BMPR2: variants seen among roughly 807,000 people sequenced by gnomAD.
BMPR2 encodes the protein bone morphogenetic protein receptor type 2, also known as bone morphogenetic protein receptor type-2.
Under a neutral mutation model 100.8 loss-of-function variants are expected in BMPR2, and 29 were observed. The ratio of observed to expected loss-of-function variants is 0.29; its 90% CI spans 0.21 to 0.39. The LOEUF is 0.39. Ranked by LOEUF, BMPR2 falls within the 10% of genes least tolerant of loss-of-function variation. The pLI is 1.00. For missense variants in BMPR2, 1,011 were observed against 1,274.5 expected (o/e 0.79, Z 3.15); for synonymous variants, 382 against 442.3 (o/e 0.86, Z 1.71).
chr2:202,555,230 A>G (rs749209164), intron 11 of BMPR2, 22 bp from the exon 12 acceptor site: 2 of 1,598,476 alleles, frequency 1.3e-6, no homozygotes, highest in Non-Finnish European at 1.7e-6. Context: ...TCTCAATGTG[A>G]TACTTTTTTT....
intron 3 of BMPR2, among the ~76,000 whole-genome samples, chr2:202,506,761 G>A (rs182864564): frequency 2.2e-4 from 34 of 152,180 alleles, no homozygotes; most frequent in African/African-American, 5.8e-4. Context: ...TTAGTTGGGC[G>A]TGGTGGCATG....
At chr2:202,494,690 A>G (rs950883678) in intron 3 of BMPR2, among the ~76,000 whole-genome samples, 2 of 152,254 alleles carry the variant, frequency 1.3e-5, no homozygotes, top group African/African-American at 4.8e-5. Flanking sequence ...CAGGTATAAC[A>G]TAGATGTAGC....
chr2:202,410,379 T>A (rs1393616997), intron 1 of BMPR2, among the ~76,000 whole-genome samples: 1 of 152,132 alleles, frequency 6.6e-6, no homozygotes, highest in East Asian at 1.9e-4. Flanking sequence ...AAAATGAACC[T>A]GAAACATTTA....
chr2:202,420,745 C>T (rs1691246858), intron 1 of BMPR2, among the ~76,000 whole-genome samples: 1 of 151,324 alleles, frequency 6.6e-6, no homozygotes. Context: ...TGGGGTTTCA[C>T]CATGTTGGCC....
chr2:202,538,793 CAAAAAAAAAAAA>C (rs34853164), intron 9 of BMPR2, among the ~76,000 whole-genome samples: 1 of 60,326 alleles, frequency 1.7e-5, no homozygotes, highest in South Asian at 5.5e-4. Flanking sequence ...GACTCTGTCT[CAAAAAAAAAAAA>C]AAAAAAAAAA....
intron 1 of BMPR2, among the ~76,000 whole-genome samples, chr2:202,445,046 C>T (rs1410306856): frequency 6.7e-6 from 1 of 150,322 alleles, no homozygotes; most frequent in Non-Finnish European, 1.5e-5. Flanking sequence ...CCTTGGCCTC[C>T]CAAAGTGCTC....
intron 10 of BMPR2, among the ~76,000 whole-genome samples, chr2:202,543,206 T>G (rs910776892): frequency 2.7e-5 from 4 of 146,768 alleles, no homozygotes; most frequent in Admixed American, 6.8e-5. Context: ...ATATATATAT[T>G]TATATACATA....
At chr2:202,389,056 C>A (rs528635066) in intron 1 of BMPR2, among the ~76,000 whole-genome samples, 1 of 151,744 alleles carries the variant, frequency 6.6e-6, no homozygotes, top group Non-Finnish European at 1.5e-5. Context: ...ATAATGAGAA[C>A]CCTGTCTCTA....
intron 10 of BMPR2, among the ~76,000 whole-genome samples, chr2:202,544,869 A>C (rs1276675544): frequency 7.3e-6 from 1 of 136,516 alleles, no homozygotes; most frequent in East Asian, 2.2e-4. Context: ...TGCTTAAGCT[A>C]TTCTCCTTCT....
intron 1 of BMPR2, among the ~76,000 whole-genome samples, chr2:202,391,760 A>G (rs1371915702): frequency 1.4e-5 from 2 of 144,902 alleles, no homozygotes; most frequent in Non-Finnish European, 3.0e-5. Context: ...TACAGTCTAC[A>G]CTTTTTTCTT....
chr2:202,557,590 C>A (rs1688602929), intron 12 of BMPR2, among the ~76,000 whole-genome samples: 1 of 151,638 alleles, frequency 6.6e-6, no homozygotes, highest in Non-Finnish European at 1.5e-5. Context: ...TCGCCTTAAC[C>A]CAGGAGGCGG....
intron 3 of BMPR2, among the ~76,000 whole-genome samples, chr2:202,471,912 T>TTGTGTGTGTGTG (rs111523279): frequency 6.8e-6 from 1 of 147,848 alleles, no homozygotes; most frequent in African/African-American, 2.5e-5. Flanking sequence ...CAAAAAAAGA[T>TTGTGTGTGTGTG]TGTGTGTGTG....
intron 1 of BMPR2, among the ~76,000 whole-genome samples, chr2:202,446,398 CA>C (rs1330632168): frequency 4.3e-5 from 6 of 139,278 alleles, no homozygotes; most frequent in Admixed American, 1.4e-4. Flanking sequence ...AACTCCGTCT[CA>C]AAAAAAAAAG....
chr2:202,442,338 G>T (rs190659587), intron 1 of BMPR2, among the ~76,000 whole-genome samples: 1 of 150,400 alleles, frequency 6.6e-6, no homozygotes, highest in East Asian at 1.9e-4. Context: ...CCTATTTTGG[G>T]TGTCTTATAT....
At chr2:202,436,497 C>G (rs1574448167) in intron 1 of BMPR2, among the ~76,000 whole-genome samples, 1 of 150,360 alleles carries the variant, frequency 6.7e-6, no homozygotes, top group African/African-American at 2.5e-5. Context: ...AAAACAAAAG[C>G]CGAAAAGAAA....
Position 202,551,527 on chromosome 2 carries a change from A to G in BMPR2, c.1414-1189A>G, listed in dbSNP as rs1688478244. On this transcript the variant is annotated intron_variant, in intron 10 of 12. Transcript: ENST00000374580. ...CAACATTGCAAGACTCTATCTCAAA[A>G]CAAACAAACAAACAAAAAACTAGCT... Among the ~76,000 whole-genome samples the G allele has an allele frequency of 3.4e-5, 4 of 118,284 alleles. No individual in the cohort carries two copies. In the Admixed American group the frequency reaches 3.5e-4, roughly 10 times the overall value. 77.6% of individuals were successfully genotyped at this position (118,284 alleles called of 152,430 possible). A position where few individuals can be genotyped will look rare whatever the true frequency, so the allele number is the denominator to read the frequency against.
chr2:202,537,158 AATGCTGTG>A (rs1688177119), intron 9 of BMPR2, among the ~76,000 whole-genome samples: 2 of 152,088 alleles, frequency 1.3e-5, no homozygotes. Flanking sequence ...AGCCTCCCAA[AATGCTGTG>A]ATTGCAGGCA....
chr2:202,491,291 A>G (rs985097391), intron 3 of BMPR2, among the ~76,000 whole-genome samples: 3 of 152,064 alleles, frequency 2.0e-5, no homozygotes, highest in Non-Finnish European at 1.5e-5. Context: ...TGCTGGGCTT[A>G]AGTGATCCTC....
At chr2:202,445,206 TTTTA>T (rs1189962265) in intron 1 of BMPR2, among the ~76,000 whole-genome samples, 2 of 150,120 alleles carry the variant, frequency 1.3e-5, no homozygotes, top group African/African-American at 2.5e-5. Flanking sequence ...ATGCAAACAT[TTTTA>T]TTTATTTATT....
Sources: allele counts gnomAD v4.1 joint callset (sites outside exome capture counted in the v4.1 genomes callset), GRCh38; gene constraint gnomAD v4.1.1; transcripts MANE v1.5; gene names NCBI Gene and HGNC (gene_info 2026-07-23, HGNC 2026-07-21).